The following SLC16A14 variants were observed in gnomAD, a reference collection of about 807,000 sequenced individuals.
SLC16A14 encodes monocarboxylate transporter 14.
SLC16A14 carries 14 observed loss-of-function variants against 35.8 expected under a neutral mutation model. That is an observed-to-expected ratio of 0.39 (90% CI 0.26 to 0.61). SLC16A14 has a LOEUF of 0.61. Ranked by LOEUF, SLC16A14 falls within the 20% of genes least tolerant of loss-of-function variation. The pLI, the probability that SLC16A14 is intolerant of heterozygous loss-of-function variation, is 0.51. For synonymous variants in SLC16A14, 248 were observed against 258.9 expected (o/e 0.96, Z 0.40); for missense variants, 533 against 655.0 (o/e 0.81, Z 2.03).
chr2:230,064,225 G>A (rs1407075820), intron 1 of SLC16A14, among the ~76,000 whole-genome samples: 1 of 152,110 alleles, frequency 6.6e-6, no homozygotes, highest in Non-Finnish European at 1.5e-5. Context: ...TTGTAAAAGA[G>A]AAAACAAAAC....
chr2:230,049,768 G>C lies in SLC16A14; in HGVS notation c.396C>G (p.Val132=). 9 of 1,612,462 alleles carry C rather than the reference G, an allele frequency of 5.6e-6. No homozygotes were observed. Among genetic ancestry groups the C allele is most frequent in the Non-Finnish European group, 7.6e-6 (9 of 1,178,712 alleles). Residue 132 remains valine (V), a synonymous_variant, in exon 3 of 5, where the codon GTC becomes GTG. Transcript: ENST00000295190. ...NVHYLFITFG[V]AAGLGSGMAY... is the part of the protein sequence containing the mutation. ...AAAAAGCCACATGCTTACCAGCTGC[G>C]ACTCCAAAAGTAATGAAGAGATAAT...
At chr2:230,045,272 C>T (rs1168286757) in intron 4 of SLC16A14, among the ~76,000 whole-genome samples, 1 of 152,126 alleles carries the variant, frequency 6.6e-6, no homozygotes, top group Non-Finnish European at 1.5e-5. Flanking sequence ...AAAAGAATGG[C>T]CTTGGCCAGG....
At chr2:230,045,300 G>A (rs2077594889) in intron 4 of SLC16A14, among the ~76,000 whole-genome samples, 1 of 152,252 alleles carries the variant, frequency 6.6e-6, no homozygotes, top group Non-Finnish European at 1.5e-5. Flanking sequence ...GCTCATGCCT[G>A]TAATCCCACC....
intron 2 of SLC16A14, among the ~76,000 whole-genome samples, chr2:230,057,375 A>G (rs901111897): frequency 1.3e-5 from 2 of 152,198 alleles, no homozygotes; most frequent in African/African-American, 4.8e-5. Context: ...TTGACTTCAT[A>G]GATTGCTGTG....
rs186174838 is a variant in SLC16A14, at chr2:230,046,957, A to G, written c.404-235T>C. ...TTTTCCCCAACAGGCTTTGCTGCAC[A>G]AGTTCCTCCAATAACAAAATGGAGC... On this transcript the variant is annotated intron_variant, in intron 3 of 4. Coordinates refer to ENST00000295190, the MANE Select transcript of SLC16A14 (RefSeq NM_152527.5). The surrounding 1 kb of genome is among the most constrained non-coding windows in gnomAD (Gnocchi z 5.0). Among the ~76,000 whole-genome samples, 267 of 152,328 alleles carry G rather than the reference A, an allele frequency of 1.8e-3. No homozygotes were observed. The highest frequency in any genetic ancestry group is 5.8e-3 in the African/African-American group (240 of 41,572).
rs1008415887 is a variant in SLC16A14 at position 230,049,890 on chromosome 2, A to G, written c.274T>C (p.Leu92=). 6.2e-7 allele frequency: 1 copy of G among 1,614,154 alleles called. No individual in the cohort carries two copies. Among genetic ancestry groups the G allele is most frequent in the Non-Finnish European group, 8.5e-7 (1 of 1,180,000 alleles). Residue 92 remains leucine, a synonymous_variant, in exon 3 of 5, where the codon TTG becomes CTG. Transcript: ENST00000295190. ...ITLIVGPFIG[L]FINTCGCRQT... ...CGGCACCCACAGGTGTTAATGAACA[A>G]GCCGATGAAAGGGCCTGTCACAGAG... is the stretch of plus-strand genomic sequence containing the variant.
intron 2 of SLC16A14, among the ~76,000 whole-genome samples, chr2:230,050,541 T>C (rs1029347268): frequency 2.0e-5 from 3 of 152,246 alleles, no homozygotes; most frequent in African/African-American, 7.2e-5. Context: ...ATCGGGTCCT[T>C]CAATCAATGG....
At chr2:230,039,907 T>G (rs1179089495) in intron 4 of SLC16A14, among the ~76,000 whole-genome samples, 1 of 152,138 alleles carries the variant, frequency 6.6e-6, no homozygotes, top group East Asian at 1.9e-4. Context: ...TTCAGACTAT[T>G]TATTTACGTT....
intron 4 of SLC16A14, 100 bp from the exon 5 acceptor site, chr2:230,037,631 A>G (rs1356015337): frequency 2.2e-6 from 2 of 910,630 alleles, no homozygotes; most frequent in Non-Finnish European, 3.2e-6. Context: ...TGTTTCTACA[A>G]GAATTTATAT....
At chr2:230,056,081 C>T (rs1373782918) in intron 2 of SLC16A14, among the ~76,000 whole-genome samples, 1 of 152,154 alleles carries the variant, frequency 6.6e-6, no homozygotes, top group Non-Finnish European at 1.5e-5. Flanking sequence ...AATGATTTAT[C>T]AGTAATTTTC....
At chr2:230,048,289 G>GA (rs1179379961) in intron 3 of SLC16A14, among the ~76,000 whole-genome samples, 2 of 152,150 alleles carry the variant, frequency 1.3e-5, no homozygotes, top group African/African-American at 4.8e-5. Flanking sequence ...TAATAATAAT[G>GA]AAAAAAGAAA....
intron 2 of SLC16A14, among the ~76,000 whole-genome samples, chr2:230,054,082 G>T (rs2077684373): frequency 1.2e-5 from 1 of 80,928 alleles, no homozygotes; most frequent in African/African-American, 3.9e-5. Flanking sequence ...GGTGCAGCCT[G>T]AGGTGGGGGG....
Position 230,046,112 on chromosome 2 carries a change from T to A in SLC16A14, c.1014A>T (p.Pro338=). The change falls in exon 4 of 5, where the codon CCA becomes CCT. Residue 338 remains proline, a synonymous_variant. Transcript: ENST00000295190. The surrounding 1 kb of genome is among the most constrained non-coding windows in gnomAD (Gnocchi z 5.0). ...SSFVIPFIHL[P]EIVNLYNLSE... is the part of the protein sequence containing the mutation. ...ATAAGTTATACAAATTGACGATTTC[T>A]GGGAGGTGAATGAAGGGGATGACAA... 6.2e-7 allele frequency: 1 copy of A among 1,614,020 alleles called. No individual in the cohort carries two copies. The highest frequency in any genetic ancestry group is 1.7e-4 in the Middle Eastern group (1 of 6,060).
At chr2:230,052,757 A>T (rs572969847) in intron 2 of SLC16A14, among the ~76,000 whole-genome samples, 1 of 152,146 alleles carries the variant, frequency 6.6e-6, no homozygotes, top group African/African-American at 2.4e-5. Context: ...AACTTAATCA[A>T]CTCTCGCATG....
chr2:230,054,566 T>C (rs1334174293), intron 2 of SLC16A14, among the ~76,000 whole-genome samples: 4 of 152,194 alleles, frequency 2.6e-5, no homozygotes, highest in African/African-American at 4.8e-5. Flanking sequence ...CCTTTAAATG[T>C]TGAAGTCCTC....
Position 230,049,741 on chromosome 2 carries a change from A to T in SLC16A14, c.403+20T>A, listed in dbSNP as rs528922060. ...TTATAAAACATTTAAAATCGAGTTT[A>T]AAAAAAGCCACATGCTTACCAGCTG... On this transcript the variant is annotated intron_variant, in intron 3 of 4. Coordinates refer to ENST00000295190, the MANE Select transcript of SLC16A14 (RefSeq NM_152527.5). The T allele has an allele frequency of 2.8e-4, 452 of 1,606,810 alleles. No homozygotes were observed. Among genetic ancestry groups the T allele is most frequent in the Non-Finnish European group, 3.7e-4 (439 of 1,175,090 alleles).
At chr2:230,060,490 A>G (rs1259810272) in intron 1 of SLC16A14, among the ~76,000 whole-genome samples, 1 of 151,166 alleles carries the variant, frequency 6.6e-6, no homozygotes, top group Non-Finnish European at 1.5e-5. Context: ...CTACAGGTAC[A>G]TGCCACCATG....
chr2:230,035,893 G>C lies in SLC16A14; in HGVS notation c.*1487C>G, dbSNP rs1039113199. 2.0e-5 allele frequency: 3 copies of C among 152,454 alleles called. No homozygotes were observed. Among genetic ancestry groups the C allele is most frequent in the Non-Finnish European group, 4.4e-5 (3 of 68,036 alleles). 9.4% of individuals were successfully genotyped at this position (152,454 alleles called of 1,614,324 possible). ...GAATCACTTGTTAACAGCTCAGAAG[G>C]GCATGGTTGAGTATAACTGAAACTG... On this transcript the variant is annotated 3_prime_UTR_variant, in exon 5 of 5. Coordinates refer to ENST00000295190, the MANE Select transcript of SLC16A14 (RefSeq NM_152527.5).
chr2:230,057,694 T>G (rs1252584340), intron 2 of SLC16A14, among the ~76,000 whole-genome samples: 1 of 152,150 alleles, frequency 6.6e-6, no homozygotes, highest in Non-Finnish European at 1.5e-5. Flanking sequence ...TTAGAAGATT[T>G]TTCAATAATG....
Sources: allele counts gnomAD v4.1 joint callset (sites outside exome capture counted in the v4.1 genomes callset), GRCh38; gene constraint gnomAD v4.1.1; non-coding constraint Gnocchi (gnomAD v3.1); transcripts MANE v1.5; gene names NCBI Gene and HGNC (gene_info 2026-07-23, HGNC 2026-07-21).